Variants in TLN1 observed in about 807,000 individuals in gnomAD.
TLN1 encodes talin-1.
In TLN1, 56 loss-of-function variants were observed where a neutral mutation model predicts 292.3. That is an observed-to-expected ratio of 0.19 (90% CI 0.15 to 0.24). The LOEUF is 0.24. Among genes scored for constraint, TLN1 ranks in the 10% least tolerant of loss-of-function variants. The pLI, the probability that TLN1 is intolerant of heterozygous loss-of-function variation, is 1.00. For missense variants in TLN1, 2,433 were observed against 3,248.2 expected (o/e 0.75, Z 6.10); for synonymous variants, 1,119 against 1,253.7 (o/e 0.89, Z 2.27).
In TLN1 at chr9:35,704,305, C is replaced by T. The variant is rs1386133358; in HGVS notation, c.6047+27G>A. ...CAGCCCCGTGCCCCGACCTGTCTGCCTCCCTTAGGCCCAGTTCCTGTCTTA... is the reference window on the plus strand; with the variant it reads ...CAGCCCCGTGCCCCGACCTGTCTGCTTCCCTTAGGCCCAGTTCCTGTCTTA... On this transcript the variant is annotated intron_variant, in intron 45 of 56. Transcript: ENST00000314888. The surrounding 1 kb of genome is among the most constrained non-coding windows in gnomAD (Gnocchi z 6.9). 1.9e-6 allele frequency: 3 copies of T among 1,606,262 alleles called. No homozygotes were observed. Among genetic ancestry groups the T allele is most frequent in the Admixed American group, 3.4e-5 (2 of 59,544 alleles).
Position 35,714,982 on chromosome 9 carries a change from T to C in TLN1, c.2754+77A>G. 1 of 1,611,148 alleles carries C rather than the reference T, an allele frequency of 6.2e-7. No homozygotes were observed. Among genetic ancestry groups the C allele is most frequent in the Non-Finnish European group, 8.5e-7 (1 of 1,179,870 alleles). ...GCCTCAAGGACGTATTAACTTACTC[T>C]CCGCACCTCCCTTTCAGTTCATTCC... On this transcript the variant is annotated intron_variant, in intron 21 of 56. Transcript: ENST00000314888. The surrounding 1 kb of genome is among the most constrained non-coding windows in gnomAD (Gnocchi z 4.6).
Position 35,699,954 on chromosome 9 carries a change from C to T in TLN1, c.6768+20G>A, listed in dbSNP as rs1825434092. ...TATTCAGGGAGGCTGGTATGAGGAACAAGCAACGCCCTCCCTTACCAGCAG... is the reference window on the plus strand; with the variant it reads ...TATTCAGGGAGGCTGGTATGAGGAATAAGCAACGCCCTCCCTTACCAGCAG... On this transcript the variant is annotated intron_variant, in intron 50 of 56. Transcript: ENST00000314888. This position sits in a 1 kb window ranked among gnomAD's most constrained non-coding sequence, Gnocchi z 4.0. 6.3e-7 allele frequency: 1 copy of T among 1,594,584 alleles called. No homozygotes were observed. Among genetic ancestry groups the T allele is most frequent in the Non-Finnish European group, 8.6e-7 (1 of 1,167,110 alleles).
At position 35,711,782 on chromosome 9, in the gene TLN1, C is replaced by T; in HGVS notation, c.3692G>A (p.Ser1231Asn). Reference sequence around the variant, plus strand: ...CTGAGCTTCTTGAAATGTCCCAGTGCTAGGAGGAAGCTGCAAGGTGAGAGG... The same window carrying T: ...CTGAGCTTCTTGAAATGTCCCAGTGTTAGGAGGAAGCTGCAAGGTGAGAGG... ...KRLLSDSLPP[S>N]TGTFQEAQSR... The change falls in exon 29 of 57, where the codon AGC becomes AAC. Residue 1231 changes from serine to asparagine, a missense_variant. Transcript: ENST00000314888. The T allele has an allele frequency of 2.5e-6, 4 of 1,613,930 alleles. No homozygotes were observed. The highest frequency in any genetic ancestry group is 3.4e-6 in the Non-Finnish European group (4 of 1,180,018).
Position 35,722,848 on chromosome 9 carries a change from T to C in TLN1, c.843+13A>G. The C allele has an allele frequency of 6.2e-7, 1 of 1,613,496 alleles. No homozygotes were observed. Among genetic ancestry groups the C allele is most frequent in the Non-Finnish European group, 8.5e-7 (1 of 1,179,526 alleles). On this transcript the variant is annotated intron_variant, in intron 8 of 56. Transcript: ENST00000314888. The stretch of plus-strand genomic sequence containing the variant: ...CGCGGTCATCCCAAATACTTTCCCC[T>C]ACCCACATTCACCTGGAAGATCTTA...
At position 35,712,077 on chromosome 9, in the gene TLN1, T is replaced by C; in HGVS notation, c.3609A>G (p.Leu1203=). Residue 1203 remains leucine (L), a synonymous_variant, in exon 28 of 57, where the codon CTA becomes CTG. Transcript: ENST00000314888. ...TQALNRCVSC[L]PGQRDVDNAL... ...CATTATCCACATCGCGCTGGCCAGG[T>C]AGGCAGCTGACACAGCGGTTCAGAG... is the stretch of plus-strand genomic sequence containing the variant. 1.2e-6 allele frequency: 2 copies of C among 1,614,042 alleles called. No individual in the cohort carries two copies. The highest frequency in any genetic ancestry group is 1.7e-6 in the Non-Finnish European group (2 of 1,179,980).
rs1191127335 is a variant in TLN1, at chr9:35,711,625, T to G, written c.3849A>C (p.Glu1283Asp). The G allele has an allele frequency of 6.2e-7, 1 of 1,613,862 alleles. No homozygotes were observed. Among genetic ancestry groups the G allele is most frequent in the Non-Finnish European group, 8.5e-7 (1 of 1,180,034 alleles). ...RFGQDFSTFL[E>D]AGVEMAGQAP... is the part of the protein sequence containing the mutation. ...CCTGGCCTGCCATCTCCACACCAGC[T>G]TCCAGGAAGGTGCTGAAGTCCTGTC... The change falls in exon 29 of 57, where the codon GAA becomes GAC. Residue 1283 changes from glutamate (E) to aspartate (D), a missense_variant. Transcript: ENST00000314888.
rs1343905818 is a variant in TLN1 at position 35,719,376 on chromosome 9, C to T, written c.1688-94G>A. Reference sequence around the variant, plus strand: ...AAAGTCACACCCAGTTAGTCACACACATGTCCACAGAAAGACGCACACACA... The same window carrying T: ...AAAGTCACACCCAGTTAGTCACACATATGTCCACAGAAAGACGCACACACA... On this transcript the variant is annotated intron_variant, in intron 15 of 56. Transcript: ENST00000314888. This position sits in a 1 kb window ranked among gnomAD's most constrained non-coding sequence, Gnocchi z 4.6. 6.5e-6 allele frequency: 9 copies of T among 1,386,346 alleles called. No homozygotes were observed. The highest frequency in any genetic ancestry group is 9.2e-6 in the Non-Finnish European group (9 of 982,540). 85.9% of individuals were successfully genotyped at this position (1,386,346 alleles called of 1,614,324 possible).
At chr9:35,725,821 G>A in intron 1 of TLN1, 94 bp from the exon 2 acceptor site, 2 of 1,125,284 alleles carry the variant, frequency 1.8e-6, no homozygotes, top group South Asian at 3.1e-5. Context: ...GTTTTTGAAA[G>A]GGACTCACCA....
In TLN1 at chr9:35,704,766, G is replaced by T; in HGVS notation, c.5783C>A (p.Ala1928Asp). ...GGCGCCTGCCTTGGTGACCAGAGCG[G>T]CACAGCCATGGCCCAGCTCCTGTAC... Reference protein sequence around the residue: ...HRVQELGHGCAALVTKAGALQ... With the variant: ...HRVQELGHGCDALVTKAGALQ... The change falls in exon 44 of 57, where the codon GCC (alanine) becomes GAC (aspartate). Residue 1928 changes from alanine to aspartate, a missense_variant. By Grantham distance (126) the Ala-to-Asp change is moderately radical. Transcript: ENST00000314888. This position sits in a 1 kb window ranked among gnomAD's most constrained non-coding sequence, Gnocchi z 6.9. The T allele has an allele frequency of 6.2e-7, 1 of 1,614,154 alleles. No homozygotes were observed. Among genetic ancestry groups the T allele is most frequent in the Non-Finnish European group, 8.5e-7 (1 of 1,180,036 alleles).
chr9:35,710,007 C>A (rs576560858), intron 33 of TLN1, among the ~76,000 whole-genome samples: 8 of 143,078 alleles, frequency 5.6e-5, no homozygotes, highest in African/African-American at 2.1e-4. Context: ...GTCAGGATAT[C>A]GAGACCATCC....
At chr9:35,713,119 A>C (rs935537817) in intron 26 of TLN1, 76 bp from the exon 27 acceptor site, 32 of 1,571,196 alleles carry the variant, frequency 2.0e-5, no homozygotes, top group Non-Finnish European at 2.3e-5. Context: ...TTCGTCTGTC[A>C]GTCCCATCCC....
chr9:35,723,259 G>A (rs913702843), intron 7 of TLN1: 56 of 237,248 alleles, frequency 2.4e-4, no homozygotes, highest in African/African-American at 1.2e-3. Context: ...GTGCCACCAC[G>A]CCTGGCTAAT....
At chr9:35,701,691 G>A (rs1035716212) in intron 48 of TLN1, among the ~76,000 whole-genome samples, 1 of 152,240 alleles carries the variant, frequency 6.6e-6, no homozygotes, top group African/African-American at 2.4e-5. Context: ...GTTAAGGACT[G>A]ATGATGGTTT....
In TLN1 at chr9:35,714,839, G is replaced by T. The variant is rs1263375797; in HGVS notation, c.2792C>A (p.Thr931Asn). 1 of 1,572,046 alleles carries T rather than the reference G, an allele frequency of 6.4e-7. No homozygotes were observed. ...AKQAAASATQ[T>N]IAAAQHAAST... ...GGCTGCGTGCTGAGCTGCAGCGATG[G>T]TCTGTGTGGCTGAGGCTGCAGCCTG... The change falls in exon 22 of 57, where the codon ACC becomes AAC. Residue 931 changes from threonine (T) to asparagine (N), a missense_variant. By Grantham distance (65) the Thr-to-Asn change is moderately conservative. Around this residue, in one of 7 missense-constraint regions of TLN1, gnomAD observed 617 missense variants for 770.6 expected, o/e 0.80. Transcript: ENST00000314888. The surrounding 1 kb of genome is among the most constrained non-coding windows in gnomAD (Gnocchi z 4.6).
At position 35,707,497 on chromosome 9, in the gene TLN1, G is replaced by GACAGAGAGGCTCT; in HGVS notation, c.4633-22_4633-10dup. ...AAGGCCCCATCTAGCGCCTAGAAGT[G>GACAGAGAGGCTCT]ACAGAGAGGCTCTCAGGACTTGGGA... is the stretch of plus-strand genomic sequence containing the variant. On this transcript the variant is annotated splice_polypyrimidine_tract_variant and intron_variant, in intron 35 of 56. Transcript: ENST00000314888. This position sits in a 1 kb window ranked among gnomAD's most constrained non-coding sequence, Gnocchi z 5.6. 6.2e-7 allele frequency: 1 copy of GACAGAGAGGCTCT among 1,613,432 alleles called. No homozygotes were observed.
At chr9:35,725,024 C>A in intron 3 of TLN1, 65 bp from the exon 4 acceptor site, 1 of 1,608,610 alleles carries the variant, frequency 6.2e-7, no homozygotes, top group African/African-American at 1.3e-5. Flanking sequence ...CCTCTTTACA[C>A]AGCCCGAGGG....
At chr9:35,701,132 G>T (rs1297775022) in intron 48 of TLN1, among the ~76,000 whole-genome samples, 1 of 152,182 alleles carries the variant, frequency 6.6e-6, no homozygotes. Context: ...AAGCTGGAGA[G>T]AACTGAGTGG....
intron 49 of TLN1, 47 bp from the exon 50 acceptor site, chr9:35,700,128 A>G: frequency 6.3e-7 from 1 of 1,593,790 alleles, no homozygotes; most frequent in Non-Finnish European, 8.6e-7. Flanking sequence ...AGATCCCTAC[A>G]GTTTCTCTCC....
intron 48 of TLN1, 55 bp from the exon 49 acceptor site, chr9:35,700,431 C>A (rs1253910303): frequency 1.3e-6 from 2 of 1,522,510 alleles, no homozygotes; most frequent in African/African-American, 1.4e-5. Flanking sequence ...TATGAGACAG[C>A]GTAGAACTCT....
Sources: gnomAD v4.1 joint callset for allele counts (sites outside exome capture counted in the v4.1 genomes callset) on GRCh38, gnomAD v4.1.1 for gene constraint, gnomAD v4.1.1 regional missense constraint, Gnocchi (gnomAD v3.1) non-coding constraint, MANE v1.5 for transcripts, NCBI Gene and HGNC (gene_info 2026-07-23, HGNC 2026-07-21) for gene names.